SLC44A5: variants seen among roughly 807,000 people sequenced by gnomAD.
The protein encoded by SLC44A5 is choline transporter-like protein 5.
Under a neutral mutation model 101.8 loss-of-function variants are expected in SLC44A5, and 57 were observed. That is an observed-to-expected ratio of 0.56 (90% CI 0.45 to 0.70). The LOEUF (loss-of-function observed/expected upper bound fraction) is 0.70, where lower values mean the gene tolerates loss of function less well. Among genes scored for constraint, SLC44A5 ranks in the 30% least tolerant of loss-of-function variants. The pLI, the probability that SLC44A5 is intolerant of heterozygous loss-of-function variation, is 0.00. For missense variants in SLC44A5, 737 were observed against 853.1 expected (o/e 0.86, Z 1.70); for synonymous variants, 281 against 290.9 (o/e 0.97, Z 0.35).
chr1:75,668,121 C>G, the SLC44A5 span, among the ~76,000 whole-genome samples: 1 of 152,042 alleles, frequency 6.6e-6, no homozygotes, highest in Non-Finnish European at 1.5e-5. Context: ...ACATTGCTAT[C>G]TCATTAAGAC....
chr1:75,272,133 A>G (rs2100736007), intron 6 of SLC44A5, among the ~76,000 whole-genome samples: 1 of 151,990 alleles, frequency 6.6e-6, no homozygotes, highest in South Asian at 2.1e-4. Flanking sequence ...ATGTCTATTC[A>G]TGTCCTTAGC....
intron 1 of SLC44A5, among the ~76,000 whole-genome samples, chr1:75,574,832 T>C (rs1263250370): frequency 6.6e-6 from 1 of 152,212 alleles, no homozygotes; most frequent in Non-Finnish European, 1.5e-5. Flanking sequence ...TATCCATTTA[T>C]GGACTTTTGT....
In SLC44A5 at chr1:75,602,814, G is replaced by A. The variant is rs182278874; in HGVS notation, c.-70+8226C>T. Among the ~76,000 whole-genome samples the A allele has an allele frequency of 1.7e-3, 258 of 152,054 alleles. 2 individuals carry two copies. Among genetic ancestry groups the A allele is most frequent in the African/African-American group, 5.8e-3 (239 of 41,520 alleles). ...CCAGTAAGTAGCTTTTACCTTTTTTGTTAAATTTTATGACTTTGGATATTT... is the reference window on the plus strand; with the variant it reads ...CCAGTAAGTAGCTTTTACCTTTTTTATTAAATTTTATGACTTTGGATATTT... On this transcript the variant is annotated intron_variant, in intron 1 of 23. Transcript: ENST00000370859.
chr1:75,389,052 A>G (rs571231457), intron 3 of SLC44A5, among the ~76,000 whole-genome samples: 2 of 152,284 alleles, frequency 1.3e-5, no homozygotes, highest in East Asian at 3.9e-4. Flanking sequence ...ATAAAACAGG[A>G]TTTAAACTCA....
chr1:75,284,741 G>T (rs1228226064), intron 5 of SLC44A5, among the ~76,000 whole-genome samples: 2 of 152,004 alleles, frequency 1.3e-5, no homozygotes, highest in Non-Finnish European at 2.9e-5. Context: ...TTTATCAAAT[G>T]CTTTTCCTGT....
chr1:75,545,824 C>CT lies in SLC44A5; in HGVS notation c.-69-4309dup, dbSNP rs57147182. ...TTAATTAACCATTCTTTTTTCTTTT[C>CT]TTTTTTTTTTTTTCTTTGAGTCAGG... is the stretch of plus-strand genomic sequence containing the variant. On this transcript the variant is annotated intron_variant, in intron 1 of 23. Transcript: ENST00000370859. Among the ~76,000 whole-genome samples the CT allele has an allele frequency of 5.7e-3, 777 of 136,154 alleles. 15 individuals carry two copies. The highest frequency in any genetic ancestry group is 0.036 in the Admixed American group (496 of 13,628). 89.3% of individuals were successfully genotyped at this position (136,154 alleles called of 152,430 possible).
chr1:75,482,656 C>T (rs1169933304), intron 2 of SLC44A5, among the ~76,000 whole-genome samples: 2 of 152,082 alleles, frequency 1.3e-5, no homozygotes, highest in African/African-American at 4.8e-5. Flanking sequence ...GAGTCTAATA[C>T]AAATCTTCTA....
the SLC44A5 span, among the ~76,000 whole-genome samples, chr1:75,698,568 A>G: frequency 2.0e-4 from 30 of 152,242 alleles, no homozygotes; most frequent in African/African-American, 7.0e-4. Flanking sequence ...CAGAGCAGAA[A>G]AACTGGAAAC....
At chr1:75,332,692 A>G (rs374037688) in intron 4 of SLC44A5, among the ~76,000 whole-genome samples, 17 of 152,306 alleles carry the variant, frequency 1.1e-4, no homozygotes, top group African/African-American at 4.1e-4. Context: ...GAAGGGGTTC[A>G]TTCATATAAA....
intron 2 of SLC44A5, among the ~76,000 whole-genome samples, chr1:75,449,546 T>C (rs994225504): frequency 4.6e-5 from 7 of 152,196 alleles, no homozygotes; most frequent in Non-Finnish European, 2.9e-5. Flanking sequence ...TCACTTCTCC[T>C]ACAGCTCTCC....
intron 2 of SLC44A5, among the ~76,000 whole-genome samples, chr1:75,490,702 A>C (rs1557841743): frequency 6.6e-6 from 1 of 152,164 alleles, no homozygotes; most frequent in African/African-American, 2.4e-5. Flanking sequence ...CTCTCCAAAA[A>C]CTAAAATATG....
chr1:75,664,678 T>C, the SLC44A5 span, among the ~76,000 whole-genome samples: 2 of 151,938 alleles, frequency 1.3e-5, no homozygotes, highest in East Asian at 3.9e-4. Context: ...TCCCAGCACT[T>C]TGGGAGGCCG....
At chr1:75,373,354 G>T (rs987344759) in intron 3 of SLC44A5, among the ~76,000 whole-genome samples, 1 of 152,016 alleles carries the variant, frequency 6.6e-6, no homozygotes, top group Non-Finnish European at 1.5e-5. Context: ...GAAGGGGTGA[G>T]TAAAGGAACT....
intron 1 of SLC44A5, among the ~76,000 whole-genome samples, chr1:75,544,171 G>C: frequency 6.6e-6 from 1 of 152,076 alleles, no homozygotes; most frequent in Non-Finnish European, 1.5e-5. Context: ...CAAGGGCGTC[G>C]GTTGCTTATA....
At chr1:75,266,790 A>G (rs961047772) in intron 6 of SLC44A5, among the ~76,000 whole-genome samples, 1 of 152,234 alleles carries the variant, frequency 6.6e-6, no homozygotes, top group Non-Finnish European at 1.5e-5. Flanking sequence ...TGAAAAAGAC[A>G]GAGAATGGCC....
chr1:75,437,964 G>T (rs187969267), intron 2 of SLC44A5, among the ~76,000 whole-genome samples: 1 of 152,142 alleles, frequency 6.6e-6, no homozygotes, highest in Admixed American at 6.6e-5. Context: ...TACTGTATTT[G>T]TCCTTTTGGA....
At chr1:75,530,932 T>C (rs376137567) in intron 2 of SLC44A5, among the ~76,000 whole-genome samples, 10 of 152,312 alleles carry the variant, frequency 6.6e-5, no homozygotes, top group African/African-American at 1.7e-4. Context: ...AATTAATGAA[T>C]ATTAAAGTGA....
chr1:75,286,986 T>A (rs901678226), intron 5 of SLC44A5, among the ~76,000 whole-genome samples: 2 of 152,162 alleles, frequency 1.3e-5, no homozygotes, highest in Non-Finnish European at 2.9e-5. Flanking sequence ...GATGTCTATA[T>A]CTCTAGCAAG....
At chr1:75,483,472 A>G (rs2101785924) in intron 2 of SLC44A5, among the ~76,000 whole-genome samples, 1 of 152,358 alleles carries the variant, frequency 6.6e-6, no homozygotes, top group East Asian at 1.9e-4. Context: ...GCTAGGATTT[A>G]GAAAATATGT....
Sources: allele counts gnomAD v4.1 joint callset (sites outside exome capture counted in the v4.1 genomes callset), GRCh38; gene constraint gnomAD v4.1.1; transcripts MANE v1.5; gene names NCBI Gene and HGNC (gene_info 2026-07-23, HGNC 2026-07-21).